Variants in APC observed in about 807,000 individuals in gnomAD.
APC encodes adenomatous polyposis coli protein.
In APC, 72 loss-of-function variants were observed where a neutral mutation model predicts 247.0. The observed-to-expected ratio is 0.29, with a 90% CI of 0.24 to 0.35. APC has a LOEUF of 0.35. Ranked by LOEUF, APC falls within the 10% of genes least tolerant of loss-of-function variation. The pLI is 1.00. For missense variants in APC, 3,400 were observed against 3,360.7 expected, an observed-to-expected ratio of 1.01 and a Z score of -0.29; for synonymous variants, 1,254 against 1,162.5, an observed-to-expected ratio of 1.08 and a Z score of -1.60.
At chr5:112,812,644 C>G (rs1398384389) in intron 8 of APC, among the ~76,000 whole-genome samples, 1 of 152,174 alleles carries the variant, frequency 6.6e-6, no homozygotes. Flanking sequence ...TTTTCAGGAA[C>G]CAAGACTGAA....
chr5:112,817,122 T>A (rs1395083458), intron 9 of APC, among the ~76,000 whole-genome samples: 1 of 152,100 alleles, frequency 6.6e-6, no homozygotes, highest in South Asian at 2.1e-4. Flanking sequence ...CGCTCATCTC[T>A]GCCTCCCAAA....
At position 112,766,426 on chromosome 5, in the gene APC, G is replaced by C. The variant is rs756214797; in HGVS notation, c.220+16G>C. On this transcript the variant is annotated intron_variant, in intron 3 of 15. Coordinates refer to ENST00000257430, the MANE Select transcript of APC (RefSeq NM_000038.6). ...CGTCTTAAAGGTAGATTTTAAAAAG[G>C]TGTTTTAAAATAATTTTTTAAGCTC... The C allele has an allele frequency of 3.8e-6, 6 of 1,571,662 alleles. No homozygotes were observed. Among genetic ancestry groups the C allele is most frequent in the Admixed American group, 3.3e-5 (2 of 59,926 alleles).
At chr5:112,836,165 T>TCCCCCC (rs59050067) in intron 15 of APC, among the ~76,000 whole-genome samples, 5 of 24,492 alleles carry the variant, frequency 2.0e-4, no homozygotes, top group Non-Finnish European at 3.4e-4. Context: ...GGATTACAGG[T>TCCCCCC]CCCCCCCCCC....
chr5:112,814,661 C>T (rs894877769), intron 8 of APC, among the ~76,000 whole-genome samples: 3 of 152,168 alleles, frequency 2.0e-5, no homozygotes, highest in Non-Finnish European at 4.4e-5. Context: ...GTGATCTCTC[C>T]GTGCTGTTTT....
At chr5:112,813,025 G>C (rs1762140241) in intron 8 of APC, among the ~76,000 whole-genome samples, 1 of 152,150 alleles carries the variant, frequency 6.6e-6, no homozygotes, top group Non-Finnish European at 1.5e-5. Flanking sequence ...GTAGAGACTG[G>C]AAAGGGGAGC....
intron 2 of APC, among the ~76,000 whole-genome samples, chr5:112,755,702 A>G (rs1754896321): frequency 6.6e-6 from 1 of 152,192 alleles, no homozygotes; most frequent in Admixed American, 6.5e-5. Context: ...AGTGGGGAAA[A>G]TGTTCTGGTT....
chr5:112,838,244 G>A lies in APC; in HGVS notation c.2650G>A (p.Ala884Thr), dbSNP rs863224540. The A allele has an allele frequency of 6.2e-7, 1 of 1,614,172 alleles. No homozygotes were observed. Among genetic ancestry groups the A allele is most frequent in the Admixed American group, 1.7e-5 (1 of 60,024 alleles). Reference protein sequence around the residue: ...SKRGLQISTTAAQIAKVMEEV... With the variant: ...SKRGLQISTTTAQIAKVMEEV... ...GCGAGGTTTGCAGATCTCCACCACT[G>A]CAGCCCAGATTGCCAAAGTCATGGA... The change falls in exon 16 of 16, where the codon GCA (alanine) becomes ACA (threonine). Residue 884 changes from alanine to threonine, a missense_variant. By Grantham distance (58) the Ala-to-Thr change is moderately conservative. Coordinates refer to ENST00000257430, the MANE Select transcript of APC (RefSeq NM_000038.6).
chr5:112,792,376 C>T lies in APC; in HGVS notation c.646-70C>T, dbSNP rs1759717552. On this transcript the variant is annotated intron_variant, in intron 6 of 15. Transcript: ENST00000257430. ...TAACCCTGAGCTTTTAAGTGGTAGC[C>T]ATAGTATGATTATTTCTATTAATAT... The T allele has an allele frequency of 4.9e-5, 50 of 1,026,666 alleles. No homozygotes were observed. In the South Asian group the frequency reaches 7.2e-4, roughly 15 times the overall value. 63.6% of individuals were successfully genotyped at this position (1,026,666 alleles called of 1,614,324 possible).
chr5:112,787,997 T>TAC (rs1398286161), intron 6 of APC, among the ~76,000 whole-genome samples: 1 of 152,180 alleles, frequency 6.6e-6, no homozygotes, highest in African/African-American at 2.4e-5. Context: ...TGTATAGTCA[T>TAC]ACATACATAT....
At chr5:112,769,079 A>T (rs1286155905) in intron 4 of APC, among the ~76,000 whole-genome samples, 2 of 116,914 alleles carry the variant, frequency 1.7e-5, no homozygotes, top group African/African-American at 6.9e-5. Flanking sequence ...TTGAGATAAG[A>T]GTCTTCCTGT....
chr5:112,810,004 A>C (rs1282465401), intron 8 of APC: 14 of 357,962 alleles, frequency 3.9e-5, no homozygotes, highest in Non-Finnish European at 7.6e-5. Context: ...TCAAAAAAAA[A>C]AGTAGAAGAG....
intron 14 of APC, among the ~76,000 whole-genome samples, chr5:112,833,780 A>G (rs1425048597): frequency 1.3e-5 from 2 of 152,066 alleles, no homozygotes; most frequent in Admixed American, 1.3e-4. Flanking sequence ...CTTTTCTAGT[A>G]CCCTTTATTG....
intron 8 of APC, among the ~76,000 whole-genome samples, chr5:112,809,535 G>A (rs1761765532): frequency 6.6e-6 from 1 of 150,750 alleles, no homozygotes; most frequent in Non-Finnish European, 1.5e-5. Context: ...TTACAACAAA[G>A]AGGGAACAGT....
chr5:112,806,619 G>A (rs1007477720), intron 8 of APC, among the ~76,000 whole-genome samples: 2 of 151,668 alleles, frequency 1.3e-5, no homozygotes, highest in Non-Finnish European at 2.9e-5. Flanking sequence ...CTCTGTCACT[G>A]TACACCACTG....
upstream of APC, chr5:112,737,750 G>T: frequency 1.3e-6 from 1 of 792,098 alleles, no homozygotes; most frequent in Non-Finnish European, 1.5e-6. Flanking sequence ...TCGGGAAGCG[G>T]AGAGAGAAGC....
chr5:112,824,277 G>T (rs116512723), intron 11 of APC, among the ~76,000 whole-genome samples: 1 of 152,106 alleles, frequency 6.6e-6, no homozygotes, highest in African/African-American at 2.4e-5. Flanking sequence ...ATTTTTCTTA[G>T]AGCAACCAGT....
At chr5:112,774,519 G>C (rs774495534) in intron 4 of APC, among the ~76,000 whole-genome samples, 12 of 144,028 alleles carry the variant, frequency 8.3e-5, no homozygotes, top group Non-Finnish European at 1.6e-4. Context: ...GGAATGCAGT[G>C]GTATGATCTC....
chr5:112,792,717 A>G (rs964464371), intron 7 of APC, among the ~76,000 whole-genome samples, 188 bp downstream of exon 7: 1 of 152,220 alleles, frequency 6.6e-6, no homozygotes, highest in African/African-American at 2.4e-5. Flanking sequence ...TCTAACTTTT[A>G]GGCAGTTAAA....
intron 5 of APC, among the ~76,000 whole-genome samples, chr5:112,778,762 C>G (rs1003273919): frequency 1.3e-5 from 2 of 152,116 alleles, no homozygotes; most frequent in Non-Finnish European, 2.9e-5. Flanking sequence ...CCAGGATGTT[C>G]TTGATATCCT....
Sources: allele counts gnomAD v4.1 joint callset (sites outside exome capture counted in the v4.1 genomes callset), GRCh38; gene constraint gnomAD v4.1.1; transcripts MANE v1.5; gene names NCBI Gene and HGNC (gene_info 2026-07-23, HGNC 2026-07-21).